Variants in STK3 observed in about 807,000 individuals in gnomAD.
STK3 encodes the protein serine/threonine kinase 3.
A neutral mutation model predicts 58.0 loss-of-function variants in STK3; 41 were observed. The observed-to-expected ratio is 0.71, with a 90% CI of 0.55 to 0.92. The LOEUF (loss-of-function observed/expected upper bound fraction) is 0.92. STK3 is among the 40% of genes least tolerant of loss of function. STK3 has a pLI of 0.00. For synonymous variants in STK3, 170 were observed against 191.0 expected, an observed-to-expected ratio of 0.89 and a Z score of 0.91; for missense variants, 479 against 602.7, an observed-to-expected ratio of 0.79 and a Z score of 2.15.
intron 1 of STK3, among the ~76,000 whole-genome samples, chr8:98,935,240 A>C (rs1840155030): frequency 6.6e-6 from 1 of 152,208 alleles, no homozygotes. Context: ...TTGGACCATA[A>C]AGTAAGAGTC....
At chr8:98,538,061 G>A (rs1809924601) in intron 9 of STK3, among the ~76,000 whole-genome samples, 1 of 151,902 alleles carries the variant, frequency 6.6e-6, no homozygotes, top group Non-Finnish European at 1.5e-5. Context: ...TAACTTCTTA[G>A]CATGATTATG....
chr8:98,754,910 A>C (rs1167663961), intron 3 of STK3, among the ~76,000 whole-genome samples: 1 of 152,206 alleles, frequency 6.6e-6, no homozygotes, highest in Non-Finnish European at 1.5e-5. Context: ...ATACAAAAAA[A>C]TGTACATTTT....
chr8:98,479,779 C>A (rs556096252), intron 10 of STK3, among the ~76,000 whole-genome samples: 42 of 152,090 alleles, frequency 2.8e-4, no homozygotes, highest in African/African-American at 1.0e-3. Context: ...AACCTTGATA[C>A]GACCCAGATA....
intron 6 of STK3, among the ~76,000 whole-genome samples, chr8:98,628,035 C>T (rs1002962464): frequency 5.9e-5 from 9 of 152,158 alleles, no homozygotes; most frequent in African/African-American, 2.2e-4. Flanking sequence ...TAGAATACTA[C>T]AACAAACATG....
At chr8:98,699,864 C>T (rs1160412699) in intron 6 of STK3, among the ~76,000 whole-genome samples, 3 of 152,164 alleles carry the variant, frequency 2.0e-5, no homozygotes, top group Non-Finnish European at 4.4e-5. Flanking sequence ...TCTCCAGCTG[C>T]GTGCTGGGAG....
rs748090385 is a variant in STK3, at chr8:98,749,306, G to A, written c.321C>T (p.Val107=). 6.2e-7 allele frequency: 1 copy of A among 1,608,678 alleles called. No individual in the cohort carries two copies. Among genetic ancestry groups the A allele is most frequent in the Non-Finnish European group, 8.5e-7 (1 of 1,176,840 alleles). ...TGTTTCGTAATCTAATTATGTCTGA[G>A]ACAGAGCCAGCGCCACAGTACTCCA... ...IVMEYCGAGS[V]SDIIRLRNKT... Residue 107 remains valine (V), a synonymous_variant, in exon 4 of 11, where the codon GTC becomes GTT. Coordinates refer to ENST00000419617, the MANE Select transcript of STK3 (RefSeq NM_006281.4).
chr8:98,887,645 G>A (rs536532834), intron 1 of STK3, among the ~76,000 whole-genome samples: 1 of 152,198 alleles, frequency 6.6e-6, no homozygotes, highest in East Asian at 1.9e-4. Context: ...CCCCACCCCA[G>A]TATGAGACCA....
rs138961520 is a variant in STK3 at position 98,730,103 on chromosome 8, G to A, written c.351+19173C>T. 2.7e-3 allele frequency among the ~76,000 whole-genome samples: 405 copies of A among 152,274 alleles called. 2 individuals carry two copies. The highest frequency in any genetic ancestry group is 9.3e-3 in the African/African-American group (388 of 41,558). On this transcript the variant is annotated intron_variant, in intron 4 of 10. Transcript: ENST00000419617. ...TCTGTTGTTATTTTATCTACCAAAT[G>A]TCTGTCACTGGAGTTGAGAACCATT...
chr8:98,533,437 C>T (rs1326067620), intron 9 of STK3, among the ~76,000 whole-genome samples: 1 of 151,802 alleles, frequency 6.6e-6, no homozygotes, highest in Non-Finnish European at 1.5e-5. Flanking sequence ...TTTATTTTTA[C>T]CCTATGAGTA....
At chr8:98,908,136 T>C (rs184635264) in intron 1 of STK3, among the ~76,000 whole-genome samples, 17 of 152,354 alleles carry the variant, frequency 1.1e-4, no homozygotes, top group Admixed American at 3.3e-4. Context: ...ATTATAGCCA[T>C]TAATCATCAC....
At chr8:98,643,040 T>C (rs1013664361) in intron 6 of STK3, among the ~76,000 whole-genome samples, 5 of 152,086 alleles carry the variant, frequency 3.3e-5, no homozygotes, top group South Asian at 4.1e-4. Context: ...TTGAGCAACA[T>C]AGTGAGACCC....
intron 1 of STK3, among the ~76,000 whole-genome samples, chr8:98,788,843 A>G (rs957332404): frequency 2.0e-5 from 3 of 152,252 alleles, no homozygotes; most frequent in Non-Finnish European, 4.4e-5. Flanking sequence ...TGACAGCACT[A>G]GACAGGTCAT....
intron 1 of STK3, among the ~76,000 whole-genome samples, chr8:98,939,140 T>C (rs1455517787): frequency 6.6e-6 from 1 of 151,904 alleles, no homozygotes; most frequent in African/African-American, 2.4e-5. Flanking sequence ...AGTGAGCGAG[T>C]GAATGAATGA....
chr8:98,415,104 C>T (rs1163677902), intron 3 of STK3, among the ~76,000 whole-genome samples: 1 of 152,118 alleles, frequency 6.6e-6, no homozygotes, highest in Non-Finnish European at 1.5e-5. Flanking sequence ...AGAGTGAGTT[C>T]ACTCTCTTCC....
intron 1 of STK3, among the ~76,000 whole-genome samples, chr8:98,443,066 GT>G (rs764404068): frequency 1.1e-4 from 16 of 151,614 alleles, no homozygotes; most frequent in Non-Finnish European, 1.6e-4. Context: ...GCATCTGTCT[GT>G]TTTGTGTGAA....
At chr8:98,721,489 T>C (rs980144180) in intron 4 of STK3, among the ~76,000 whole-genome samples, 1 of 151,916 alleles carries the variant, frequency 6.6e-6, no homozygotes, top group Non-Finnish European at 1.5e-5. Flanking sequence ...GGCAACATAG[T>C]GAGGCCTCGT....
At chr8:98,823,902 G>A (rs564433220) in intron 1 of STK3, among the ~76,000 whole-genome samples, 52 of 152,190 alleles carry the variant, frequency 3.4e-4, no homozygotes, top group Non-Finnish European at 4.4e-4. Flanking sequence ...ACCTCAAAAC[G>A]AGTAGCTATA....
intron 10 of STK3, among the ~76,000 whole-genome samples, chr8:98,468,202 T>C (rs886503030): frequency 1.3e-5 from 2 of 152,206 alleles, no homozygotes; most frequent in Non-Finnish European, 2.9e-5. Context: ...AAAATGTTTC[T>C]AAAACACTTC....
At chr8:98,724,685 T>G (rs1000846251) in intron 4 of STK3, among the ~76,000 whole-genome samples, 3 of 152,148 alleles carry the variant, frequency 2.0e-5, no homozygotes, top group South Asian at 4.1e-4. Flanking sequence ...GTAGTAGTAG[T>G]AGGAGTAATA....
Sources: allele counts gnomAD v4.1 joint callset (sites outside exome capture counted in the v4.1 genomes callset), GRCh38; gene constraint gnomAD v4.1.1; transcripts MANE v1.5; gene names NCBI Gene and HGNC (gene_info 2026-07-23, HGNC 2026-07-21).